TPTE2: variants seen among roughly 807,000 people sequenced by gnomAD.
TPTE2 encodes the protein phosphatidylinositol 3,4,5-trisphosphate 3-phosphatase TPTE2.
A neutral mutation model predicts 78.6 loss-of-function variants in TPTE2; 53 were observed. That is an observed-to-expected ratio of 0.67 (90% CI 0.54 to 0.85). TPTE2 has a LOEUF of 0.85. Ranked by LOEUF, TPTE2 falls within the 40% of genes least tolerant of loss-of-function variation. The pLI is 0.00. For synonymous variants in TPTE2, 175 were observed against 206.2 expected, an observed-to-expected ratio of 0.85 and a Z score of 1.30; for missense variants, 461 against 623.0, an observed-to-expected ratio of 0.74 and a Z score of 2.77.
Position 19,523,629 on chromosome 13 carries a change from C to A in TPTE2, c.-44+12967G>T, listed in dbSNP as rs577269518. On this transcript the variant is annotated intron_variant, in intron 1 of 17. Transcript: ENST00000390680. The stretch of plus-strand genomic sequence containing the variant: ...TAGCTGGGATTACAGGTGCATGCCA[C>A]CATGCCCAGCTAAGTTTTGTATTTT... Among the ~76,000 whole-genome samples, 105 of 152,216 alleles carry A rather than the reference C, an allele frequency of 6.9e-4. No homozygotes were observed. In the South Asian group the frequency reaches 0.018, roughly 26 times the overall value.
chr13:19,492,424 T>C (rs912414983), intron 3 of TPTE2, among the ~76,000 whole-genome samples: 1 of 152,162 alleles, frequency 6.6e-6, no homozygotes, highest in African/African-American at 2.4e-5. Flanking sequence ...ATTCTCTCCT[T>C]TCTTGGAACA....
rs137951471 is a variant in TPTE2 at position 19,521,676 on chromosome 13, C to A, written c.-44+14920G>T. On this transcript the variant is annotated intron_variant, in intron 1 of 17. Transcript: ENST00000390680. ...TTGAGTTGTTTTCTTAGTGGTTGCCCTGGATATTGCAATTAACATGTTGAT... is the reference window on the plus strand; with the variant it reads ...TTGAGTTGTTTTCTTAGTGGTTGCCATGGATATTGCAATTAACATGTTGAT... Among the ~76,000 whole-genome samples the A allele has an allele frequency of 8.6e-3, 1,305 of 151,920 alleles. 13 individuals carry two copies. The highest frequency in any genetic ancestry group is 0.03 in the African/African-American group (1,249 of 41,488).
intron 10 of TPTE2, among the ~76,000 whole-genome samples, chr13:19,460,392 A>C (rs556762465): frequency 2.6e-4 from 39 of 152,298 alleles, no homozygotes; most frequent in African/African-American, 8.7e-4. Context: ...CTGTTCATCC[A>C]GTCAGTCCCA....
chr13:19,546,418 T>A, the TPTE2 span, among the ~76,000 whole-genome samples: 1 of 150,164 alleles, frequency 6.7e-6, no homozygotes, highest in African/African-American at 2.4e-5. Flanking sequence ...AAAAATATAA[T>A]ACTAAAAAGA....
intron 1 of TPTE2, among the ~76,000 whole-genome samples, chr13:19,497,406 C>G (rs571903745): frequency 9.8e-5 from 13 of 132,156 alleles, no homozygotes; most frequent in Non-Finnish European, 1.0e-4. Context: ...CCCTGTCTGA[C>G]AGCTTTGAAG....
At chr13:19,445,525 A>G (rs1877770347) in intron 13 of TPTE2, among the ~76,000 whole-genome samples, 1 of 152,246 alleles carries the variant, frequency 6.6e-6, no homozygotes, top group African/African-American at 2.4e-5. Context: ...TGTTTTAGAA[A>G]ACAGATGACA....
intron 1 of TPTE2, among the ~76,000 whole-genome samples, chr13:19,495,684 A>G (rs117170334): frequency 0.011 from 1,727 of 152,312 alleles, 15 homozygotes; most frequent in Middle Eastern, 0.02. Context: ...GTATAACTGT[A>G]TTCCTTGATA....
At chr13:19,552,516 T>C in the TPTE2 span, 36 of 620,150 alleles carry the variant, frequency 5.8e-5, no homozygotes, top group Non-Finnish European at 8.2e-5. Context: ...AGTGAATATC[T>C]GGCAGAAATA....
At chr13:19,517,058 C>T (rs1476912406) in intron 1 of TPTE2, among the ~76,000 whole-genome samples, 1 of 152,158 alleles carries the variant, frequency 6.6e-6, no homozygotes, top group Non-Finnish European at 1.5e-5. Context: ...TGAACCAGGG[C>T]AACCCAAGGC....
intron 13 of TPTE2, among the ~76,000 whole-genome samples, chr13:19,447,107 A>G (rs1240129495): frequency 6.6e-6 from 1 of 152,158 alleles, no homozygotes; most frequent in Non-Finnish European, 1.5e-5. Context: ...CTATCATGAT[A>G]CTACTGGTAA....
intron 4 of TPTE2, among the ~76,000 whole-genome samples, chr13:19,477,172 T>A (rs1361447421): frequency 6.6e-6 from 1 of 151,620 alleles, no homozygotes; most frequent in Non-Finnish European, 1.5e-5. Context: ...TAAGGACGGA[T>A]GAACACAAAG....
intron 4 of TPTE2, among the ~76,000 whole-genome samples, chr13:19,479,527 A>T: frequency 6.7e-6 from 1 of 149,118 alleles, no homozygotes; most frequent in South Asian, 2.1e-4. Flanking sequence ...AAAGAAAAAG[A>T]TGATAAATAA....
At chr13:19,554,377 A>AAAATAAATAAATAAAT in the TPTE2 span, among the ~76,000 whole-genome samples, 10,605 of 145,104 alleles carry the variant, frequency 0.073, 404 homozygotes, top group Non-Finnish European at 0.085. Flanking sequence ...TCTGTCTCAA[A>AAAATAAATAAATAAAT]AAATAAATAA....
upstream of TPTE2, among the ~76,000 whole-genome samples, chr13:19,539,680 A>C (rs1303820732): frequency 1.3e-5 from 2 of 152,138 alleles, no homozygotes; most frequent in East Asian, 1.9e-4. Context: ...AGTCCATTTA[A>C]CTATCTGTGT....
At chr13:19,512,583 AT>A (rs71092372) in intron 1 of TPTE2, among the ~76,000 whole-genome samples, 10 of 148,110 alleles carry the variant, frequency 6.8e-5, no homozygotes, top group African/African-American at 2.2e-4. Flanking sequence ...CACAGGAAAC[AT>A]TTTTTTTTTT....
intron 15 of TPTE2, among the ~76,000 whole-genome samples, chr13:19,434,908 T>C (rs1876960077): frequency 1.3e-5 from 2 of 152,218 alleles, no homozygotes; most frequent in African/African-American, 2.4e-5. Context: ...CAAAAGTTAC[T>C]TTCTCTGAAC....
At chr13:19,537,194 G>C (rs995108039), upstream of TPTE2, among the ~76,000 whole-genome samples, 3 of 149,978 alleles carry the variant, frequency 2.0e-5, no homozygotes, top group Non-Finnish European at 3.0e-5. Flanking sequence ...GAAATGCTAT[G>C]GCATTTGCCC....
At chr13:19,435,851 A>G (rs1476716672) in intron 15 of TPTE2, among the ~76,000 whole-genome samples, 1 of 151,498 alleles carries the variant, frequency 6.6e-6, no homozygotes, top group Non-Finnish European at 1.5e-5. Context: ...TTGCCCTAGT[A>G]AGGGTTTGTG....
At chr13:19,442,019 T>C (rs1375143263) in intron 13 of TPTE2, among the ~76,000 whole-genome samples, 3 of 152,142 alleles carry the variant, frequency 2.0e-5, no homozygotes, top group Non-Finnish European at 4.4e-5. Context: ...CAAAAAATTA[T>C]ATTATTAAAA....
Sources: allele counts gnomAD v4.1 joint callset (sites outside exome capture counted in the v4.1 genomes callset), GRCh38; gene constraint gnomAD v4.1.1; transcripts MANE v1.5; gene names NCBI Gene and HGNC (gene_info 2026-07-23, HGNC 2026-07-21).